TNIK: variants seen among roughly 807,000 people sequenced by gnomAD.
TNIK encodes TRAF2 and NCK-interacting protein kinase.
A neutral mutation model predicts 191.3 loss-of-function variants in TNIK; 49 were observed. That is an observed-to-expected ratio of 0.26 (90% CI 0.20 to 0.32). The LOEUF is 0.32. Ranked by LOEUF, TNIK falls within the 10% of genes least tolerant of loss-of-function variation. TNIK has a pLI of 1.00. For synonymous variants in TNIK, 594 were observed against 600.9 expected (o/e 0.99, Z 0.17); for missense variants, 1,155 against 1,702.3 (o/e 0.68, Z 5.66).
chr3:171,322,826 GTTGTT>G (rs1345981847), intron 2 of TNIK, among the ~76,000 whole-genome samples: 1 of 134,146 alleles, frequency 7.5e-6, no homozygotes, highest in Non-Finnish European at 1.6e-5. Flanking sequence ...TGTTATTATT[GTTGTT>G]TTCTTTTCTT....
chr3:171,368,626 A>C (rs1036318080), intron 2 of TNIK, among the ~76,000 whole-genome samples: 7 of 152,240 alleles, frequency 4.6e-5, no homozygotes, highest in Non-Finnish European at 8.8e-5. Flanking sequence ...GTATCCACTT[A>C]GAATCTCGAG....
intron 2 of TNIK, among the ~76,000 whole-genome samples, chr3:171,356,944 A>G (rs947183294): frequency 2.0e-5 from 3 of 152,212 alleles, no homozygotes; most frequent in Non-Finnish European, 4.4e-5. Context: ...ACATGGTAGA[A>G]GATGGAAAAC....
chr3:171,277,875 A>G (rs1749950493), intron 2 of TNIK, among the ~76,000 whole-genome samples: 1 of 152,246 alleles, frequency 6.6e-6, no homozygotes, highest in Admixed American at 6.5e-5. Context: ...ACTTTTTAAA[A>G]AGAGTCAAGC....
At chr3:171,454,129 G>C (rs1349220960) in intron 1 of TNIK, among the ~76,000 whole-genome samples, 1 of 152,208 alleles carries the variant, frequency 6.6e-6, no homozygotes, top group African/African-American at 2.4e-5. Context: ...GAATCAATTT[G>C]ACATTAAAGC....
At chr3:171,398,726 G>C (rs1176102985) in intron 1 of TNIK, among the ~76,000 whole-genome samples, 2 of 152,222 alleles carry the variant, frequency 1.3e-5, no homozygotes, top group Non-Finnish European at 2.9e-5. Flanking sequence ...TGAGGTAGGG[G>C]CATTCTACCT....
At chr3:171,361,119 C>A (rs1389232223) in intron 2 of TNIK, among the ~76,000 whole-genome samples, 1 of 145,160 alleles carries the variant, frequency 6.9e-6, no homozygotes, top group Non-Finnish European at 1.5e-5. Context: ...CTACAGACAG[C>A]CTCAGCCCAG....
Position 171,119,334 on chromosome 3 carries a change from C to T in TNIK, c.2120+4262G>A, listed in dbSNP as rs531857245. ...GTGGAGAAATAGGAACACTTTTACA[C>T]TGTTGGTGGGACTGTAAACTAGTTC... On this transcript the variant is annotated intron_variant, in intron 18 of 32. Coordinates refer to ENST00000436636, the MANE Select transcript of TNIK (RefSeq NM_015028.4). Among the ~76,000 whole-genome samples the T allele has an allele frequency of 3.9e-5, 6 of 152,336 alleles. No homozygotes were observed. In the East Asian group the frequency reaches 1.2e-3, roughly 29 times the overall value.
intron 2 of TNIK, among the ~76,000 whole-genome samples, chr3:171,238,258 A>T (rs1422108034): frequency 1.3e-5 from 2 of 152,026 alleles, no homozygotes; most frequent in African/African-American, 4.8e-5. Context: ...AAAAAATTGA[A>T]TTTTATGATT....
At chr3:171,277,089 G>A (rs1438074765) in intron 2 of TNIK, among the ~76,000 whole-genome samples, 1 of 152,126 alleles carries the variant, frequency 6.6e-6, no homozygotes, top group Non-Finnish European at 1.5e-5. Context: ...TTTCAGGGGT[G>A]GGTGACACAG....
At chr3:171,382,015 A>G (rs575220820) in intron 1 of TNIK, among the ~76,000 whole-genome samples, 1 of 152,346 alleles carries the variant, frequency 6.6e-6, no homozygotes, top group South Asian at 2.1e-4. Context: ...TGAAAGAGAA[A>G]CAAACTTCTA....
chr3:171,380,409 T>C (rs1296787350), intron 1 of TNIK, among the ~76,000 whole-genome samples: 1 of 152,102 alleles, frequency 6.6e-6, no homozygotes, highest in Non-Finnish European at 1.5e-5. Context: ...GAAAGAAAGA[T>C]TAGGAAACAA....
At chr3:171,164,451 T>C (rs1323785998) in intron 10 of TNIK, among the ~76,000 whole-genome samples, 2 of 152,242 alleles carry the variant, frequency 1.3e-5, no homozygotes, top group Non-Finnish European at 2.9e-5. Context: ...GGACATTATG[T>C]CAAGCATTTT....
intron 1 of TNIK, among the ~76,000 whole-genome samples, chr3:171,424,755 T>C (rs1266668430): frequency 6.9e-6 from 1 of 145,076 alleles, no homozygotes; most frequent in Non-Finnish European, 1.5e-5. Context: ...ACACCGCATG[T>C]TATCACTCAT....
intron 1 of TNIK, among the ~76,000 whole-genome samples, chr3:171,410,639 C>T (rs914377250): frequency 6.6e-6 from 1 of 151,982 alleles, no homozygotes. Flanking sequence ...ATTGGCCAGG[C>T]GTGGTGGCAG....
intron 3 of TNIK, among the ~76,000 whole-genome samples, chr3:171,226,757 T>C (rs1214861368): frequency 1.3e-5 from 2 of 152,110 alleles, no homozygotes; most frequent in Non-Finnish European, 2.9e-5. Flanking sequence ...CAAAAATATA[T>C]ACAACTTAAA....
chr3:171,093,933 T>C lies in TNIK; in HGVS notation c.2627A>G (p.Asn876Ser), dbSNP rs754515327. The change falls in exon 23 of 33, where the codon AAT (asparagine) becomes AGT (serine). Residue 876 changes from asparagine to serine, a missense_variant. Asn to Ser is a conservative substitution (Grantham distance 46). Around this residue, in one of 3 missense-constraint regions of TNIK, gnomAD observed 735 missense variants for 848.0 expected, o/e 0.87. Coordinates refer to ENST00000436636, the MANE Select transcript of TNIK (RefSeq NM_015028.4). The part of the protein sequence containing the change: ...TGAPGSNEQY[N>S]VGMVGTHGLE... ...CCCATGCGTCCCCACCATTCCCACA[T>C]TGTACTGCTCGTTGCTGCCTGGAGC... is the stretch of plus-strand genomic sequence containing the variant. The C allele has an allele frequency of 6.2e-7, 1 of 1,613,846 alleles. No homozygotes were observed. Among genetic ancestry groups the C allele is most frequent in the Admixed American group, 1.7e-5 (1 of 60,020 alleles).
At chr3:171,087,012 C>G (rs146417292) in intron 24 of TNIK, among the ~76,000 whole-genome samples, 9 of 152,218 alleles carry the variant, frequency 5.9e-5, no homozygotes, top group Non-Finnish European at 1.2e-4. Context: ...ATCTGTGTAG[C>G]CTGAAGTTTC....
chr3:171,352,592 TAC>T (rs1159041642), intron 2 of TNIK, among the ~76,000 whole-genome samples: 1 of 152,200 alleles, frequency 6.6e-6, no homozygotes, highest in Admixed American at 6.5e-5. Flanking sequence ...TACTTTACAG[TAC>T]AGTTTAATGA....
intron 3 of TNIK, among the ~76,000 whole-genome samples, chr3:171,226,962 T>C (rs1743036667): frequency 6.6e-6 from 1 of 152,176 alleles, no homozygotes; most frequent in South Asian, 2.1e-4. Flanking sequence ...TTTTCTTATT[T>C]GTTTTTCTTA....
Sources: gnomAD v4.1 joint callset for allele counts (sites outside exome capture counted in the v4.1 genomes callset) on GRCh38, gnomAD v4.1.1 for gene constraint, gnomAD v4.1.1 regional missense constraint, MANE v1.5 for transcripts, NCBI Gene and HGNC (gene_info 2026-07-23, HGNC 2026-07-21) for gene names.